The following EXOC2 variants were observed in gnomAD, a reference collection of about 807,000 sequenced individuals.
The protein encoded by EXOC2 is exocyst complex component 2.
Under a neutral mutation model 131.8 loss-of-function variants are expected in EXOC2, and 70 were observed. The observed-to-expected ratio is 0.53, with a 90% confidence interval of 0.44 to 0.65. EXOC2 has a LOEUF of 0.65. Among genes scored for constraint, EXOC2 ranks in the 30% least tolerant of loss-of-function variants. The pLI is 0.00. For synonymous variants in EXOC2, 411 were observed against 398.4 expected (o/e 1.03, Z -0.38); for missense variants, 923 against 1,108.6 (o/e 0.83, Z 2.38).
chr6:596,929 T>C (rs1759850192), intron 10 of EXOC2, among the ~76,000 whole-genome samples: 1 of 152,234 alleles, frequency 6.6e-6, no homozygotes, highest in Non-Finnish European at 1.5e-5. Flanking sequence ...AAACTACATG[T>C]ACATAAAATT....
chr6:564,464 C>T, intron 15 of EXOC2, 81 bp downstream of exon 15: 2 of 1,546,524 alleles, frequency 1.3e-6, no homozygotes, highest in Non-Finnish European at 1.8e-6. Flanking sequence ...AGAATTTCTT[C>T]TTCACTGAAT....
intron 1 of EXOC2, among the ~76,000 whole-genome samples, chr6:671,260 G>A (rs955678601): frequency 1.3e-5 from 2 of 151,946 alleles, no homozygotes; most frequent in Admixed American, 1.3e-4. Flanking sequence ...GGGAGGCTGA[G>A]GCAGGAGGAT....
chr6:666,141 G>A (rs1475869639), intron 1 of EXOC2, among the ~76,000 whole-genome samples: 2 of 152,140 alleles, frequency 1.3e-5, no homozygotes, highest in Non-Finnish European at 2.9e-5. Flanking sequence ...CACAAAAAGA[G>A]TGTGCCAATC....
At chr6:499,211 G>A (rs923022678) in intron 24 of EXOC2, among the ~76,000 whole-genome samples, 22 of 152,280 alleles carry the variant, frequency 1.4e-4, no homozygotes, top group African/African-American at 5.3e-4. Flanking sequence ...TCTAAGCAGT[G>A]TCTGCCTTTC....
intron 6 of EXOC2, among the ~76,000 whole-genome samples, chr6:617,251 C>A (rs186371410): frequency 2.0e-5 from 3 of 152,204 alleles, no homozygotes; most frequent in Non-Finnish European, 4.4e-5. Flanking sequence ...CTCCATACAA[C>A]GTCCCTCCCA....
At chr6:622,150 T>C (rs1167455665) in intron 4 of EXOC2, among the ~76,000 whole-genome samples, 3 of 152,234 alleles carry the variant, frequency 2.0e-5, no homozygotes, top group Non-Finnish European at 2.9e-5. Context: ...GCAGAAGTCA[T>C]GGTGGCTGCA....
intron 6 of EXOC2, among the ~76,000 whole-genome samples, chr6:615,182 G>GTTTGTGTGT (rs1561927678): frequency 8.3e-6 from 1 of 121,032 alleles, no homozygotes; most frequent in African/African-American, 3.8e-5. Context: ...TGTGGGTGTG[G>GTTTGTGTGT]GTGTGTGTGT....
chr6:548,289 A>C (rs563484420), intron 22 of EXOC2, among the ~76,000 whole-genome samples: 1 of 152,228 alleles, frequency 6.6e-6, no homozygotes, highest in Non-Finnish European at 1.5e-5. Flanking sequence ...ACGAACTGGA[A>C]CCACCATTTA....
intron 1 of EXOC2, among the ~76,000 whole-genome samples, chr6:642,955 T>C (rs1232096605): frequency 6.6e-6 from 1 of 151,100 alleles, no homozygotes; most frequent in Non-Finnish European, 1.5e-5. Flanking sequence ...TGCAAACAAA[T>C]CTGTATGACA....
chr6:556,632 A>G (rs1757434233), intron 17 of EXOC2, 68 bp from the exon 18 acceptor site: 7 of 1,531,258 alleles, frequency 4.6e-6, no homozygotes, highest in Non-Finnish European at 6.3e-6. Flanking sequence ...GTTTAACACA[A>G]GCGAATATGG....
At chr6:545,579 C>A (rs570494569) in intron 22 of EXOC2, among the ~76,000 whole-genome samples, 1 of 152,180 alleles carries the variant, frequency 6.6e-6, no homozygotes, top group Admixed American at 6.5e-5. Flanking sequence ...AAAAGGCATG[C>A]AAATTAAAAT....
intron 1 of EXOC2, among the ~76,000 whole-genome samples, chr6:690,514 C>T (rs1260659360): frequency 6.6e-6 from 1 of 152,000 alleles, no homozygotes; most frequent in Non-Finnish European, 1.5e-5. Context: ...TCACGAGGAT[C>T]GCGACGGTGA....
chr6:692,442 C>T (rs924257630), intron 1 of EXOC2, among the ~76,000 whole-genome samples: 6 of 152,210 alleles, frequency 3.9e-5, no homozygotes, highest in African/African-American at 1.4e-4. Flanking sequence ...GGACCTCAGG[C>T]TCTTTGCTCA....
chr6:511,134 G>A (rs575182038), intron 23 of EXOC2, among the ~76,000 whole-genome samples: 1 of 152,228 alleles, frequency 6.6e-6, no homozygotes, highest in African/African-American at 2.4e-5. Flanking sequence ...GGCTACACGA[G>A]TGAATGCTGG....
intron 7 of EXOC2, among the ~76,000 whole-genome samples, chr6:607,034 G>GC (rs1255419869): frequency 1.3e-5 from 2 of 152,216 alleles, no homozygotes; most frequent in African/African-American, 2.4e-5. Flanking sequence ...TGGTGGCCTT[G>GC]AAGGAGGCAG....
chr6:577,199 G>C (rs915239528), intron 11 of EXOC2, among the ~76,000 whole-genome samples: 12 of 152,134 alleles, frequency 7.9e-5, no homozygotes, highest in African/African-American at 2.9e-4. Flanking sequence ...TTTAAATGTA[G>C]CTGACTTACA....
intron 1 of EXOC2, among the ~76,000 whole-genome samples, chr6:658,212 G>C (rs894891798): frequency 2.0e-5 from 3 of 152,104 alleles, no homozygotes; most frequent in Non-Finnish European, 4.4e-5. Flanking sequence ...ATTTTTGCTT[G>C]AATGTTTCCT....
At chr6:538,275 G>A (rs1581391713) in intron 22 of EXOC2, among the ~76,000 whole-genome samples, 1 of 152,302 alleles carries the variant, frequency 6.6e-6, no homozygotes, top group South Asian at 2.1e-4. Context: ...CATAATAAAT[G>A]CTAGCAGCTA....
chr6:591,616 T>C (rs1169655616), intron 11 of EXOC2, among the ~76,000 whole-genome samples: 1 of 152,116 alleles, frequency 6.6e-6, no homozygotes, highest in Non-Finnish European at 1.5e-5. Flanking sequence ...TCCCCAGTCA[T>C]ATGAAACAGC....
Sources: gnomAD v4.1 joint callset for allele counts (sites outside exome capture counted in the v4.1 genomes callset) on GRCh38, gnomAD v4.1.1 for gene constraint, MANE v1.5 for transcripts, NCBI Gene and HGNC (gene_info 2026-07-23, HGNC 2026-07-21) for gene names.